The following CA5A variants were observed in gnomAD, a reference collection of about 807,000 sequenced individuals.
CA5A encodes carbonic anhydrase 5A.
Under a neutral mutation model 37.1 loss-of-function variants are expected in CA5A, and 28 were observed. The ratio of observed to expected loss-of-function variants is 0.75; its 90% CI spans 0.56 to 1.03. The LOEUF is 1.03. Ranked by LOEUF, CA5A falls within the 50% of genes least tolerant of loss-of-function variation. CA5A has a pLI of 0.00. For missense variants in CA5A, 444 were observed against 399.9 expected (o/e 1.11, Z -0.94); for synonymous variants, 171 against 158.4 (o/e 1.08, Z -0.60).
chr16:87,896,223 T>C (rs572770680), intron 5 of CA5A, among the ~76,000 whole-genome samples: 2 of 152,324 alleles, frequency 1.3e-5, no homozygotes, highest in South Asian at 2.1e-4. Flanking sequence ...AGGTGCGGGC[T>C]CTTCCTTCCC....
In CA5A at chr16:87,936,480, G is replaced by C; in HGVS notation, c.-30C>G. 1 of 1,612,142 alleles carries C rather than the reference G, an allele frequency of 6.2e-7. No individual in the cohort carries two copies. Among genetic ancestry groups the C allele is most frequent in the South Asian group, 1.1e-5 (1 of 90,846 alleles). ...GGTCTGTTCCCACTGACTCCAGTCT[G>C]AAGAGGGTGATGTTCCCTGCTGTCT... On this transcript the variant is annotated 5_prime_UTR_variant, in exon 1 of 7. Coordinates refer to ENST00000649794, the MANE Select transcript of CA5A (RefSeq NM_001739.2).
intron 1 of CA5A, among the ~76,000 whole-genome samples, chr16:87,931,768 A>G (rs6540112): frequency 0.83 from 126,442 of 152,252 alleles, 53,336 homozygotes; most frequent in African/African-American, 0.96. Context: ...GCTGGGAAAC[A>G]GTGGGCCCTG....
At chr16:87,929,344 G>A (rs72816350) in intron 1 of CA5A, among the ~76,000 whole-genome samples, 6 of 149,984 alleles carry the variant, frequency 4.0e-5, no homozygotes, top group South Asian at 4.2e-4. Flanking sequence ...CCCAGCTACC[G>A]GGGAGGCTGA....
chr16:87,935,591 T>A (rs1379965888), intron 1 of CA5A, among the ~76,000 whole-genome samples: 1 of 151,798 alleles, frequency 6.6e-6, no homozygotes, highest in Non-Finnish European at 1.5e-5. Flanking sequence ...AGAAACGGAG[T>A]GTGGCCAGGC....
At chr16:87,928,611 G>A (rs544668525) in intron 1 of CA5A, among the ~76,000 whole-genome samples, 205 of 151,968 alleles carry the variant, frequency 1.3e-3, no homozygotes, top group African/African-American at 4.6e-3. Flanking sequence ...ATGGTGGCAC[G>A]TTTCCATTGT....
chr16:87,919,830 G>A (rs2056206330), intron 2 of CA5A, among the ~76,000 whole-genome samples: 1 of 152,206 alleles, frequency 6.6e-6, no homozygotes, highest in Admixed American at 6.5e-5. Flanking sequence ...GGCTCATGCT[G>A]GCTCTGGAGC....
intron 2 of CA5A, among the ~76,000 whole-genome samples, chr16:87,908,101 G>T (rs1216223144): frequency 6.6e-6 from 1 of 152,174 alleles, no homozygotes; most frequent in African/African-American, 2.4e-5. Flanking sequence ...CGAATCACTT[G>T]GTCGGTAAGC....
intron 3 of CA5A, among the ~76,000 whole-genome samples, chr16:87,904,353 C>A (rs1382080733): frequency 1.4e-5 from 2 of 146,270 alleles, no homozygotes; most frequent in Admixed American, 6.8e-5. Flanking sequence ...AAAAAAAAAA[C>A]CAAAAACCAA....
chr16:87,890,592 A>G (rs2055698845), intron 6 of CA5A, among the ~76,000 whole-genome samples: 1 of 152,142 alleles, frequency 6.6e-6, no homozygotes, highest in South Asian at 2.1e-4. Flanking sequence ...TCCAGAAAAA[A>G]ATGATAGTAT....
chr16:87,922,273 G>T (rs1288291023), intron 2 of CA5A, among the ~76,000 whole-genome samples: 2 of 152,134 alleles, frequency 1.3e-5, no homozygotes, highest in Non-Finnish European at 2.9e-5. Context: ...CGGTGGGGAA[G>T]GGGAGGTTCC....
intron 2 of CA5A, among the ~76,000 whole-genome samples, chr16:87,924,741 C>T (rs374259407): frequency 9.2e-5 from 14 of 152,362 alleles, no homozygotes; most frequent in South Asian, 8.3e-4. Flanking sequence ...ATGCTGCCTC[C>T]GCATGCACAG....
intron 2 of CA5A, among the ~76,000 whole-genome samples, chr16:87,914,792 A>G (rs113138360): frequency 5.2e-4 from 79 of 152,214 alleles, no homozygotes; most frequent in African/African-American, 1.5e-3. Flanking sequence ...GCTGGCATGG[A>G]GTCACGGGCC....
chr16:87,929,129 C>T (rs2056360164), intron 1 of CA5A, among the ~76,000 whole-genome samples: 1 of 149,940 alleles, frequency 6.7e-6, no homozygotes, highest in African/African-American at 2.4e-5. Flanking sequence ...AGGGTGCATC[C>T]AACAGAAGTC....
chr16:87,901,988 A>G lies in CA5A; in HGVS notation c.556-14T>C. The G allele has an allele frequency of 6.2e-7, 1 of 1,612,796 alleles. No homozygotes were observed. Among genetic ancestry groups the G allele is most frequent in the Non-Finnish European group, 8.5e-7 (1 of 1,178,990 alleles). ...ATGGGCCCCGAGCTGCATGGCAGAC[A>G]AAGGAGGGGTTAGCTGCAAAGGCAG... is the stretch of plus-strand genomic sequence containing the variant. On this transcript the variant is annotated splice_polypyrimidine_tract_variant and intron_variant, in intron 4 of 6. Transcript: ENST00000649794.
chr16:87,900,434 C>T (rs1025418395), intron 5 of CA5A, among the ~76,000 whole-genome samples: 2 of 152,204 alleles, frequency 1.3e-5, no homozygotes, highest in Non-Finnish European at 1.5e-5. Flanking sequence ...CTCCTTGAAC[C>T]GCGAGGAAGG....
downstream of CA5A, chr16:87,886,698 T>A (rs931695825): frequency 6.6e-6 from 1 of 152,068 alleles, no homozygotes; most frequent in African/African-American, 2.4e-5. Flanking sequence ...GACTGATGAA[T>A]TGATCGATCA....
intron 2 of CA5A, among the ~76,000 whole-genome samples, chr16:87,910,034 T>G (rs2056027563): frequency 6.6e-6 from 1 of 152,094 alleles, no homozygotes; most frequent in African/African-American, 2.4e-5. Context: ...TTAAGTCACA[T>G]GGGAAATACG....
intron 1 of CA5A, among the ~76,000 whole-genome samples, chr16:87,932,680 C>T (rs1461222487): frequency 1.3e-4 from 19 of 151,932 alleles, no homozygotes; most frequent in Admixed American, 1.2e-3. Context: ...GTGCAGGGGA[C>T]ATGGAATCAA....
intron 2 of CA5A, among the ~76,000 whole-genome samples, chr16:87,906,971 C>A (rs569008770): frequency 1.4e-4 from 21 of 152,250 alleles, no homozygotes; most frequent in African/African-American, 5.1e-4. Context: ...AATCCTAGCA[C>A]TTTGGGAGGC....
Sources: gnomAD v4.1 joint callset for allele counts (sites outside exome capture counted in the v4.1 genomes callset) on GRCh38, gnomAD v4.1.1 for gene constraint, MANE v1.5 for transcripts, NCBI Gene and HGNC (gene_info 2026-07-23, HGNC 2026-07-21) for gene names.